The following CSMD1 variants were observed in gnomAD, a reference collection of about 807,000 sequenced individuals.
CSMD1 encodes the protein CUB and sushi domain-containing protein 1.
A neutral mutation model predicts 417.5 loss-of-function variants in CSMD1; 213 were observed. The observed-to-expected ratio is 0.51, with a 90% confidence interval of 0.46 to 0.57. The LOEUF (loss-of-function observed/expected upper bound fraction) is 0.57, where lower values mean the gene tolerates loss of function less well. Ranked by LOEUF, CSMD1 falls within the 20% of genes least tolerant of loss-of-function variation. The pLI is 0.00. For synonymous variants in CSMD1, 2,862 were observed against 1,736.8 expected, an observed-to-expected ratio of 1.65 and a Z score of -16.11; for missense variants, 6,923 against 4,529.7, an observed-to-expected ratio of 1.53 and a Z score of -15.17.
At chr8:3,236,774 G>C (rs1194054006) in intron 26 of CSMD1, among the ~76,000 whole-genome samples, 1 of 152,112 alleles carries the variant, frequency 6.6e-6, no homozygotes, top group Non-Finnish European at 1.5e-5. Context: ...TGCTGACTCT[G>C]AAGGTTTCTA....
chr8:3,368,989 C>T (rs879901697), intron 19 of CSMD1, among the ~76,000 whole-genome samples: 1 of 152,084 alleles, frequency 6.6e-6, no homozygotes, highest in South Asian at 2.1e-4. Context: ...TTCCTTACCA[C>T]GATAGCTATA....
At chr8:3,526,570 T>A (rs770833148) in intron 10 of CSMD1, among the ~76,000 whole-genome samples, 1 of 152,170 alleles carries the variant, frequency 6.6e-6, no homozygotes, top group Non-Finnish European at 1.5e-5. Flanking sequence ...TAATGCATCA[T>A]TGCCTGTGTT....
At chr8:4,055,903 C>G (rs955907879) in intron 3 of CSMD1, among the ~76,000 whole-genome samples, 1 of 151,996 alleles carries the variant, frequency 6.6e-6, no homozygotes, top group Non-Finnish European at 1.5e-5. Flanking sequence ...AATGATGAGT[C>G]ATTAGTATTT....
chr8:4,230,698 T>A (rs949616408), intron 3 of CSMD1, among the ~76,000 whole-genome samples: 1 of 152,192 alleles, frequency 6.6e-6, no homozygotes, highest in African/African-American at 2.4e-5. Flanking sequence ...TAATAGTAAT[T>A]TTCCTAGACC....
intron 18 of CSMD1, among the ~76,000 whole-genome samples, chr8:3,376,594 T>A (rs1810319637): frequency 1.3e-5 from 2 of 152,074 alleles, no homozygotes; most frequent in African/African-American, 4.8e-5. Context: ...TAAAACTATC[T>A]TTCTTTAATT....
chr8:4,929,475 G>A (rs1219330652), intron 1 of CSMD1, among the ~76,000 whole-genome samples: 5 of 152,146 alleles, frequency 3.3e-5, no homozygotes, highest in South Asian at 2.1e-4. Flanking sequence ...GCATAGGGTC[G>A]TGAAAAATGA....
chr8:4,466,091 T>A (rs1053802765), intron 2 of CSMD1, among the ~76,000 whole-genome samples: 1 of 152,190 alleles, frequency 6.6e-6, no homozygotes, highest in Admixed American at 6.5e-5. Flanking sequence ...AGATTAAATA[T>A]CATGACACCA....
chr8:3,245,298 C>T (rs903363023), intron 26 of CSMD1, among the ~76,000 whole-genome samples: 1 of 152,162 alleles, frequency 6.6e-6, no homozygotes, highest in African/African-American at 2.4e-5. Flanking sequence ...CCAGTTCCTT[C>T]CGGTACCTGG....
intron 12 of CSMD1, among the ~76,000 whole-genome samples, chr8:3,423,386 G>C (rs1563373898): frequency 6.6e-6 from 1 of 152,076 alleles, no homozygotes; most frequent in Non-Finnish European, 1.5e-5. Context: ...TGTCACCATA[G>C]CTTTCTCTCT....
At chr8:3,683,499 T>A (rs1461192490) in intron 7 of CSMD1, among the ~76,000 whole-genome samples, 1 of 152,114 alleles carries the variant, frequency 6.6e-6, no homozygotes, top group Non-Finnish European at 1.5e-5. Flanking sequence ...CTGTCAGCCC[T>A]CCTCTCACTT....
At chr8:3,483,425 C>A (rs1817853275) in intron 11 of CSMD1, among the ~76,000 whole-genome samples, 1 of 151,954 alleles carries the variant, frequency 6.6e-6, no homozygotes, top group Non-Finnish European at 1.5e-5. Flanking sequence ...ACTACCAAAA[C>A]TCAACCAAGA....
intron 1 of CSMD1, among the ~76,000 whole-genome samples, chr8:4,692,346 A>C (rs1340884129): frequency 6.6e-6 from 1 of 152,238 alleles, no homozygotes; most frequent in Non-Finnish European, 1.5e-5. Context: ...TTAAAAACAA[A>C]GTAAAACAAC....
rs112090779 is a variant in CSMD1 at position 4,390,739 on chromosome 8, T to C, written c.415+29214A>G. Reference sequence around the variant, plus strand: ...CATGTTAGCCAGGATGGTCTCGATCTTCTGACCTCGTCAGGATGGTCTCAA... The same window carrying C: ...CATGTTAGCCAGGATGGTCTCGATCCTCTGACCTCGTCAGGATGGTCTCAA... On this transcript the variant is annotated intron_variant, in intron 3 of 69. Transcript: ENST00000635120. 9.5e-4 allele frequency among the ~76,000 whole-genome samples: 145 copies of C among 151,894 alleles called. 1 individual carries two copies. Among genetic ancestry groups the C allele is most frequent in the African/African-American group, 3.4e-3 (141 of 41,436 alleles).
At chr8:4,476,044 A>C (rs1213509394) in intron 2 of CSMD1, among the ~76,000 whole-genome samples, 1 of 152,050 alleles carries the variant, frequency 6.6e-6, no homozygotes, top group Non-Finnish European at 1.5e-5. Context: ...TATTTAGAAA[A>C]TTTCTGGTTA....
chr8:3,182,307 C>T (rs1310267126), intron 36 of CSMD1, among the ~76,000 whole-genome samples: 1 of 152,152 alleles, frequency 6.6e-6, no homozygotes. Context: ...AGTGCAGTGG[C>T]ACAATCTTGG....
chr8:4,147,795 T>C (rs1025381417), intron 3 of CSMD1, among the ~76,000 whole-genome samples: 1 of 152,092 alleles, frequency 6.6e-6, no homozygotes, highest in African/African-American at 2.4e-5. Context: ...TGACCCAATG[T>C]GCCGACTCCA....
At chr8:3,118,322 A>G (rs1440218112) in intron 42 of CSMD1, 77 bp downstream of exon 42, 1 of 986,466 alleles carries the variant, frequency 1.0e-6, no homozygotes, top group Non-Finnish European at 1.5e-6. Flanking sequence ...AAATTACTGG[A>G]TATGTTCATT....
chr8:3,892,808 G>T (rs933952452), intron 5 of CSMD1, among the ~76,000 whole-genome samples: 1 of 149,626 alleles, frequency 6.7e-6, no homozygotes, highest in Non-Finnish European at 1.5e-5. Context: ...CGTGAACTCA[G>T]GTGAGCCATG....
intron 5 of CSMD1, among the ~76,000 whole-genome samples, chr8:3,888,290 A>T (rs186191113): frequency 6.6e-6 from 1 of 152,310 alleles, no homozygotes; most frequent in Non-Finnish European, 1.5e-5. Context: ...TTGTTAACAT[A>T]AGCTTGACAC....
Sources: gnomAD v4.1 joint callset for allele counts (sites outside exome capture counted in the v4.1 genomes callset) on GRCh38, gnomAD v4.1.1 for gene constraint, MANE v1.5 for transcripts, NCBI Gene and HGNC (gene_info 2026-07-23, HGNC 2026-07-21) for gene names.